The following ZCWPW2 variants were observed in gnomAD, a reference collection of about 807,000 sequenced individuals.
ZCWPW2 encodes the protein zinc finger CW-type and PWWP domain containing 2.
Under a neutral mutation model 46.6 loss-of-function variants are expected in ZCWPW2, and 45 were observed. The ratio of observed to expected loss-of-function variants is 0.96; its 90% CI spans 0.76 to 1.24. ZCWPW2 has a LOEUF of 1.24. Among genes scored for constraint, ZCWPW2 ranks in the 50% most tolerant of loss-of-function variants. The pLI is 0.00. For synonymous variants in ZCWPW2, 152 were observed against 137.1 expected (o/e 1.11, Z -0.76); for missense variants, 429 against 403.9 (o/e 1.06, Z -0.53).
At chr3:28,370,516 A>T (rs1187187072) in intron 1 of ZCWPW2, among the ~76,000 whole-genome samples, 1 of 152,218 alleles carries the variant, frequency 6.6e-6, no homozygotes. Flanking sequence ...ATCAAAGCAG[A>T]CAAATAAAAC....
chr3:28,511,066 C>T, intron 6 of ZCWPW2: 2 of 455,838 alleles, frequency 4.4e-6, no homozygotes, highest in Non-Finnish European at 8.8e-6. Context: ...TCAAGAAAGA[C>T]CCTGGGCATA....
In ZCWPW2 at chr3:28,525,798, T is replaced by C. The variant is rs1481608620; in HGVS notation, c.*1110T>C. On this transcript the variant is annotated 3_prime_UTR_variant, in exon 10 of 10. Coordinates refer to ENST00000383768, the MANE Select transcript of ZCWPW2 (RefSeq NM_001040432.4). ...AGACTCACAACGGTGAAATATCTTATTTGTCAAAGTAAAGTATGTATGTAT... is the reference window on the plus strand; with the variant it reads ...AGACTCACAACGGTGAAATATCTTACTTGTCAAAGTAAAGTATGTATGTAT... 6.6e-6 allele frequency among the ~76,000 whole-genome samples: 1 copy of C among 152,206 alleles called. No individual in the cohort carries two copies. The highest frequency in any genetic ancestry group is 1.5e-5 in the Non-Finnish European group (1 of 68,022).
chr3:28,371,576 T>G (rs1705335404), intron 1 of ZCWPW2, among the ~76,000 whole-genome samples: 1 of 152,142 alleles, frequency 6.6e-6, no homozygotes, highest in African/African-American at 2.4e-5. Flanking sequence ...GGAGGATCAC[T>G]TGAGCCCAGG....
At chr3:28,450,806 C>T (rs1157556234) in intron 4 of ZCWPW2, among the ~76,000 whole-genome samples, 1 of 152,058 alleles carries the variant, frequency 6.6e-6, no homozygotes, top group African/African-American at 2.4e-5. Flanking sequence ...CCCATATTGT[C>T]TAGGGAAATG....
At position 28,514,094 on chromosome 3, in the gene ZCWPW2, A is replaced by C. The variant is rs1003269996; in HGVS notation, c.688A>C (p.Lys230Gln). 1.3e-6 allele frequency: 2 copies of C among 1,504,556 alleles called. No homozygotes were observed. Among genetic ancestry groups the C allele is most frequent in the Admixed American group, 1.8e-5 (1 of 54,178 alleles). 93.2% of individuals were successfully genotyped at this position (1,504,556 alleles called of 1,614,324 possible). Residue 230 changes from lysine (K) to glutamine (Q), a missense_variant, in exon 7 of 10, where the codon AAG becomes CAG. Coordinates refer to ENST00000383768, the MANE Select transcript of ZCWPW2 (RefSeq NM_001040432.4). Reference sequence around the variant, plus strand: ...GACTTCTAAAAATAATATTGAAAAGAAGAAGCCCAAATTTAGAAAAAGGAA... The same window carrying C: ...GACTTCTAAAAATAATATTGAAAAGCAGAAGCCCAAATTTAGAAAAAGGAA... ...KQTSKNNIEK[K>Q]KPKFRKRKRK... is the part of the protein sequence containing the mutation.
chr3:28,438,150 T>C (rs1055136275), intron 4 of ZCWPW2, among the ~76,000 whole-genome samples: 3 of 152,156 alleles, frequency 2.0e-5, no homozygotes, highest in African/African-American at 7.2e-5. Flanking sequence ...TTTCAAATAT[T>C]AGGGATCTGT....
At chr3:28,381,955 G>A (rs1240801318) in intron 1 of ZCWPW2, among the ~76,000 whole-genome samples, 5 of 152,080 alleles carry the variant, frequency 3.3e-5, no homozygotes, top group Non-Finnish European at 7.4e-5. Flanking sequence ...CTGAGGTCAG[G>A]AGTTCGAGAC....
chr3:28,452,634 A>G (rs756957864), intron 4 of ZCWPW2, among the ~76,000 whole-genome samples: 43 of 152,244 alleles, frequency 2.8e-4, no homozygotes, highest in Non-Finnish European at 4.8e-4. Context: ...CATCTGCCTT[A>G]TAAAGTGGAT....
intron 3 of ZCWPW2, among the ~76,000 whole-genome samples, chr3:28,433,092 T>TACAC (rs71626517): frequency 0.044 from 6,614 of 148,886 alleles, 158 homozygotes; most frequent in Non-Finnish European, 0.053. Context: ...AGCATATTCT[T>TACAC]ACACACACAC....
chr3:28,414,607 C>CT (rs1242806675), intron 3 of ZCWPW2, among the ~76,000 whole-genome samples: 2 of 113,698 alleles, frequency 1.8e-5, no homozygotes, highest in African/African-American at 6.7e-5. Flanking sequence ...TCCCTCCCCC[C>CT]TCCCCCCACC....
At chr3:28,401,009 C>G (rs536874319) in intron 2 of ZCWPW2, among the ~76,000 whole-genome samples, 8 of 152,154 alleles carry the variant, frequency 5.3e-5, no homozygotes, top group Middle Eastern at 6.8e-3. Flanking sequence ...GAAACCCCAT[C>G]TCTACTAAAA....
At chr3:28,466,284 A>G (rs1376170864) in intron 4 of ZCWPW2, among the ~76,000 whole-genome samples, 1 of 152,160 alleles carries the variant, frequency 6.6e-6, no homozygotes, top group African/African-American at 2.4e-5. Flanking sequence ...AACCCACATA[A>G]CACACAATTT....
At chr3:28,502,930 G>A (rs938413354) in intron 6 of ZCWPW2, among the ~76,000 whole-genome samples, 23 of 152,168 alleles carry the variant, frequency 1.5e-4, no homozygotes, top group Admixed American at 7.9e-4. Context: ...TTCTCTAGTC[G>A]TTTAAAACTT....
At chr3:28,436,323 C>CTTTT (rs71087698) in intron 4 of ZCWPW2, among the ~76,000 whole-genome samples, 77 of 116,838 alleles carry the variant, frequency 6.6e-4, no homozygotes, top group Non-Finnish European at 7.9e-4. Context: ...TCTTTTTTTT[C>CTTTT]TTTTTTTTTT....
chr3:28,438,487 C>T (rs897555907), intron 4 of ZCWPW2, among the ~76,000 whole-genome samples: 1 of 152,150 alleles, frequency 6.6e-6, no homozygotes, highest in African/African-American at 2.4e-5. Context: ...TCAGGCTGAT[C>T]CTTGGCACAA....
At chr3:28,479,275 G>T (rs1483431727) in intron 5 of ZCWPW2, among the ~76,000 whole-genome samples, 1 of 151,908 alleles carries the variant, frequency 6.6e-6, no homozygotes, top group Non-Finnish European at 1.5e-5. Flanking sequence ...TATATTCCTG[G>T]CATTAAAATT....
chr3:28,522,300 A>G (rs1442728371), intron 9 of ZCWPW2, among the ~76,000 whole-genome samples: 1 of 152,212 alleles, frequency 6.6e-6, no homozygotes, highest in Non-Finnish European at 1.5e-5. Context: ...TGCTTTGCAT[A>G]GGAACAAACA....
At chr3:28,354,522 A>T (rs1704663201) in intron 1 of ZCWPW2, among the ~76,000 whole-genome samples, 2 of 137,440 alleles carry the variant, frequency 1.5e-5, no homozygotes, top group Non-Finnish European at 3.2e-5. Flanking sequence ...CATCATCCTG[A>T]TACCAAAGTG....
At chr3:28,397,119 ACT>A (rs1278787721) in intron 2 of ZCWPW2, among the ~76,000 whole-genome samples, 1 of 143,822 alleles carries the variant, frequency 7.0e-6, no homozygotes, top group Non-Finnish European at 1.5e-5. Flanking sequence ...ACAAAACCAT[ACT>A]CTGTCTCAAA....
Sources: gnomAD v4.1 joint callset for allele counts (sites outside exome capture counted in the v4.1 genomes callset) on GRCh38, gnomAD v4.1.1 for gene constraint, MANE v1.5 for transcripts, NCBI Gene and HGNC (gene_info 2026-07-23, HGNC 2026-07-21) for gene names.